The following TANC2 variants were observed in gnomAD, a reference collection of about 807,000 sequenced individuals.
TANC2 encodes tetratricopeptide repeat, ankyrin repeat and coiled-coil containing 2, also known as protein TANC2.
TANC2 carries 26 observed loss-of-function variants against 210.5 expected under a neutral mutation model. That is an observed-to-expected ratio of 0.12 (90% CI 0.09 to 0.17). The LOEUF is 0.17. Among genes scored for constraint, TANC2 ranks in the 10% least tolerant of loss-of-function variants. TANC2 has a pLI of 1.00. For synonymous variants in TANC2, 931 were observed against 967.1 expected (o/e 0.96, Z 0.69); for missense variants, 2,129 against 2,608.9 (o/e 0.82, Z 4.01).
At chr17:63,192,551 A>G (rs930370600) in intron 5 of TANC2, among the ~76,000 whole-genome samples, 1 of 151,732 alleles carries the variant, frequency 6.6e-6, no homozygotes, top group Admixed American at 6.5e-5. Flanking sequence ...ATTTCTTTCC[A>G]GTGAGGAAGA....
At chr17:63,040,629 T>G (rs2035149628) in intron 2 of TANC2, among the ~76,000 whole-genome samples, 1 of 152,132 alleles carries the variant, frequency 6.6e-6, no homozygotes, top group South Asian at 2.1e-4. Context: ...AAATACTAGA[T>G]TCACAGGTTG....
intron 17 of TANC2, chr17:63,390,386 A>G (rs1260201684): frequency 6.6e-6 from 1 of 152,218 alleles, no homozygotes; most frequent in East Asian, 1.9e-4. Context: ...TCTCAATGAC[A>G]TCTCAGAGCC....
At chr17:63,250,633 A>C (rs1021734207) in intron 8 of TANC2, among the ~76,000 whole-genome samples, 3 of 152,176 alleles carry the variant, frequency 2.0e-5, no homozygotes, top group Non-Finnish European at 4.4e-5. Flanking sequence ...CTGAAACATG[A>C]AATGTGCATA....
Position 63,200,637 on chromosome 17 carries a change from A to G in TANC2, c.583-134A>G, listed in dbSNP as rs887569109. On this transcript the variant is annotated intron_variant, in intron 6 of 27. Transcript: ENST00000689528. The stretch of plus-strand genomic sequence containing the variant: ...CCCAAAGTCCTTATCCGAGAAAGCA[A>G]AAACAAATAGAGCCTAATAGATGTA... The G allele has an allele frequency of 6.6e-6, 5 of 758,910 alleles. No homozygotes were observed. In the African/African-American group the frequency reaches 8.9e-5, roughly 13 times the overall value. 47.0% of individuals were successfully genotyped at this position (758,910 alleles called of 1,614,324 possible). A position where few individuals can be genotyped will look rare whatever the true frequency, so the allele number is the denominator to read the frequency against.
intron 4 of TANC2, chr17:63,150,669 A>T (rs1459191400): frequency 6.6e-6 from 1 of 152,178 alleles, no homozygotes; most frequent in Admixed American, 6.6e-5. Flanking sequence ...TTAATAGCTG[A>T]GAAGTAAGGT....
At chr17:63,324,870 A>G (rs981065255) in intron 11 of TANC2, among the ~76,000 whole-genome samples, 11 of 152,142 alleles carry the variant, frequency 7.2e-5, no homozygotes, top group African/African-American at 2.4e-4. Context: ...GAATGAAGAA[A>G]TTCTAGTCAA....
At chr17:63,326,911 G>A (rs2045667699) in intron 11 of TANC2, among the ~76,000 whole-genome samples, 1 of 152,124 alleles carries the variant, frequency 6.6e-6, no homozygotes, top group Non-Finnish European at 1.5e-5. Context: ...CTTTTGCACA[G>A]CAAAGGAAAC....
chr17:63,021,945 A>C (rs1183516846), intron 2 of TANC2, among the ~76,000 whole-genome samples: 2 of 152,198 alleles, frequency 1.3e-5, no homozygotes, highest in Admixed American at 6.5e-5. Flanking sequence ...TAAATGAGGA[A>C]TATCTTGTTG....
rs890410088 is a variant in TANC2 at position 63,408,477 on chromosome 17, A to G, written c.3589+2200A>G. Among the ~76,000 whole-genome samples, 6 of 152,332 alleles carry G rather than the reference A, an allele frequency of 3.9e-5. No individual in the cohort carries two copies. In the East Asian group the frequency reaches 1.2e-3, roughly 29 times the overall value. The stretch of plus-strand genomic sequence containing the variant: ...TCAGTTCATCTGTAATGTACATCCA[A>G]AACTTTCTTATCCTACTCTTTCCTC... On this transcript the variant is annotated intron_variant, in intron 21 of 27. Coordinates refer to ENST00000689528, the Ensembl canonical transcript of TANC2.
At chr17:63,373,676 A>G (rs1377430966) in intron 14 of TANC2, among the ~76,000 whole-genome samples, 1 of 152,168 alleles carries the variant, frequency 6.6e-6, no homozygotes, top group African/African-American at 2.4e-5. Context: ...TTTTTTGAGA[A>G]TCTAAAAATT....
intron 5 of TANC2, among the ~76,000 whole-genome samples, chr17:63,161,573 T>C (rs1260577487): frequency 6.6e-6 from 1 of 152,156 alleles, no homozygotes; most frequent in Non-Finnish European, 1.5e-5. Flanking sequence ...CTTATTCTTG[T>C]TTTCTTCCTA....
chr17:63,352,695 A>G (rs906965331), intron 13 of TANC2, among the ~76,000 whole-genome samples: 6 of 152,208 alleles, frequency 3.9e-5, no homozygotes, highest in African/African-American at 1.2e-4. Flanking sequence ...GCCAACAGAA[A>G]AAGTACTTCA....
intron 9 of TANC2, among the ~76,000 whole-genome samples, chr17:63,306,443 A>G (rs970135875): frequency 2.6e-5 from 4 of 152,236 alleles, no homozygotes; most frequent in African/African-American, 9.6e-5. Context: ...CATTCATTCA[A>G]CAAATATTTA....
intron 1 of TANC2, chr17:63,004,685 A>G (rs1182006005): frequency 3.2e-6 from 1 of 311,394 alleles, no homozygotes; most frequent in Non-Finnish European, 6.2e-6. Context: ...CCAGAGGTCC[A>G]CAGTTGTCAA....
chr17:62,980,596 T>C (rs548281369), intron 1 of TANC2, among the ~76,000 whole-genome samples: 3 of 152,294 alleles, frequency 2.0e-5, no homozygotes, highest in Non-Finnish European at 2.9e-5. Flanking sequence ...CTCTCCTCCA[T>C]TGATTTATCT....
intron 10 of TANC2, among the ~76,000 whole-genome samples, chr17:63,318,224 A>T (rs1049107266): frequency 2.0e-5 from 3 of 152,256 alleles, no homozygotes; most frequent in African/African-American, 7.2e-5. Flanking sequence ...ATCTATTTTT[A>T]AAGTATGATC....
At position 63,412,639 on chromosome 17, in the gene TANC2, T is replaced by C; in HGVS notation, c.3899-41T>C. ...TTTTTTTCACCTTCATCCATTTTTT[T>C]TTCCTCTCCTACAACTTTTTGTTTT... On this transcript the variant is annotated intron_variant, in intron 23 of 27. Coordinates refer to ENST00000689528, the Ensembl canonical transcript of TANC2. This position sits in a 1 kb window ranked among gnomAD's most constrained non-coding sequence, Gnocchi z 4.2. 1 of 1,514,052 alleles carries C rather than the reference T, an allele frequency of 6.6e-7. No individual in the cohort carries two copies. 93.8% of individuals were successfully genotyped at this position (1,514,052 alleles called of 1,614,324 possible). A position where few individuals can be genotyped will look rare whatever the true frequency, so the allele number is the denominator to read the frequency against.
intron 7 of TANC2, among the ~76,000 whole-genome samples, chr17:63,231,446 C>G (rs535155802): frequency 1.5e-4 from 23 of 152,272 alleles, no homozygotes; most frequent in African/African-American, 5.5e-4. Flanking sequence ...TCTTGCAAGG[C>G]AGGCCTGGTG....
At chr17:63,287,864 C>T (rs746262906) in intron 9 of TANC2, among the ~76,000 whole-genome samples, 11 of 151,988 alleles carry the variant, frequency 7.2e-5, no homozygotes, top group East Asian at 3.9e-4. Flanking sequence ...TTAGTAGAGA[C>T]GGGGTTTCAC....
Sources: gnomAD v4.1 joint callset for allele counts (sites outside exome capture counted in the v4.1 genomes callset) on GRCh38, gnomAD v4.1.1 for gene constraint, Gnocchi (gnomAD v3.1) non-coding constraint, MANE v1.5 for transcripts, NCBI Gene and HGNC (gene_info 2026-07-23, HGNC 2026-07-21) for gene names.